Variants in MIA2 observed in about 807,000 individuals in gnomAD.
The protein encoded by MIA2 is MIA SH3 domain ER export factor 2.
In MIA2, 127 loss-of-function variants were observed where a neutral mutation model predicts 167.8. The observed-to-expected ratio is 0.76, with a 90% CI of 0.66 to 0.88. The LOEUF (loss-of-function observed/expected upper bound fraction) is 0.88, where lower values mean the gene tolerates loss of function less well. Among genes scored for constraint, MIA2 ranks in the 40% least tolerant of loss-of-function variants. The pLI is 0.00. For missense variants in MIA2, 1,690 were observed against 1,624.7 expected (o/e 1.04, Z -0.69); for synonymous variants, 552 against 541.9 (o/e 1.02, Z -0.26).
chr14:39,251,910 T>C (rs1348715678), intron 4 of MIA2, among the ~76,000 whole-genome samples: 1 of 152,174 alleles, frequency 6.6e-6, no homozygotes, highest in Non-Finnish European at 1.5e-5. Context: ...ACACCTTCTG[T>C]TTAACAAATG....
At chr14:39,285,347 A>ACCTC (rs2059476619) in intron 9 of MIA2, among the ~76,000 whole-genome samples, 2 of 142,514 alleles carry the variant, frequency 1.4e-5, no homozygotes, top group Non-Finnish European at 3.1e-5. Flanking sequence ...GCGCCCCCCC[A>ACCTC]CCTCCCGGAC....
At chr14:39,294,093 G>T in intron 12 of MIA2, 22 bp downstream of exon 12, 1 of 1,513,276 alleles carries the variant, frequency 6.6e-7, no homozygotes, top group Non-Finnish European at 9.0e-7. Flanking sequence ...TAGTCTAGTA[G>T]GTCTGTTGCT....
chr14:39,234,750 CTG>C (rs764630176), intron 1 of MIA2, among the ~76,000 whole-genome samples: 13 of 151,908 alleles, frequency 8.6e-5, no homozygotes, highest in African/African-American at 3.1e-4. Flanking sequence ...TTAATCATTT[CTG>C]TGTTATTTAT....
At chr14:39,273,658 A>G (rs184019937) in intron 6 of MIA2, among the ~76,000 whole-genome samples, 1 of 152,238 alleles carries the variant, frequency 6.6e-6, no homozygotes, top group African/African-American at 2.4e-5. Context: ...TGTTAAACCA[A>G]CCTTGCATTT....
At chr14:39,347,818 C>CTT (rs59832680) in intron 27 of MIA2, 47 bp downstream of exon 27, 25,216 of 694,328 alleles carry the variant, frequency 0.036, 68 homozygotes, top group East Asian at 0.057. Context: ...CAGAAGCCTT[C>CTT]TTTTTTTTTT....
rs141638574 is a variant in MIA2 at position 39,357,071 on chromosome 14, C to T, written c.2248+8094C>T. 3.1e-4 allele frequency among the ~76,000 whole-genome samples: 47 copies of T among 152,280 alleles called. 1 individual carries two copies. In the East Asian group the frequency reaches 8.1e-3, roughly 26 times the overall value. On this transcript the variant is annotated intron_variant, in intron 23 of 23. Coordinates refer to the MIA2 transcript ENST00000341502. ...GTTCTGTAGATATCTATTAGGTCCA[C>T]TTGGTGCAGAGCTGAGTTCAGTTCC...
chr14:39,347,215 T>C (rs781181869), intron 26 of MIA2, among the ~76,000 whole-genome samples: 12 of 152,128 alleles, frequency 7.9e-5, no homozygotes, highest in Non-Finnish European at 1.5e-4. Flanking sequence ...TGAGAATAAA[T>C]GAGAAAGCTA....
chr14:39,327,407 C>G (rs1242198383), intron 25 of MIA2, among the ~76,000 whole-genome samples: 1 of 152,134 alleles, frequency 6.6e-6, no homozygotes, highest in African/African-American at 2.4e-5. Context: ...TACATTTATA[C>G]ACATAGCTGT....
intron 25 of MIA2, among the ~76,000 whole-genome samples, chr14:39,338,018 C>T (rs992843876): frequency 9.2e-5 from 14 of 152,226 alleles, no homozygotes; most frequent in Admixed American, 2.0e-4. Context: ...CCACTGTGCC[C>T]GGCCATATAT....
At chr14:39,242,713 A>G (rs1278997372) in intron 3 of MIA2, among the ~76,000 whole-genome samples, 1 of 152,224 alleles carries the variant, frequency 6.6e-6, no homozygotes, top group Non-Finnish European at 1.5e-5. Flanking sequence ...TAGCACACAG[A>G]TGCCTCAAAT....
rs1449860658 is a variant in MIA2 at position 39,308,431 on chromosome 14, CTT to C, written c.2879-17_2879-16del. 1 of 1,416,160 alleles carries C rather than the reference CTT, an allele frequency of 7.1e-7. No homozygotes were observed. The highest frequency in any genetic ancestry group is 1.5e-5 in the African/African-American group (1 of 67,322). 87.7% of individuals were successfully genotyped at this position (1,416,160 alleles called of 1,614,324 possible). On this transcript the variant is annotated splice_polypyrimidine_tract_variant and intron_variant, in intron 17 of 28. Transcript: ENST00000640607. Reference sequence around the variant, plus strand: ...CAAAATGTTTCTCCTTTAATTATGACTTAAAATTTTTATATAGAGCATATTAA... The same window carrying C: ...CAAAATGTTTCTCCTTTAATTATGACAAAATTTTTATATAGAGCATATTAA...
chr14:39,278,381 T>C (rs1285384933), intron 7 of MIA2, among the ~76,000 whole-genome samples: 1 of 152,222 alleles, frequency 6.6e-6, no homozygotes, highest in Non-Finnish European at 1.5e-5. Context: ...TGGTTTTCTA[T>C]ACCTTTTGAG....
In MIA2 at chr14:39,288,458, TATA is replaced by T. The variant is rs1566747682; in HGVS notation, c.2131-2560_2131-2558del. The stretch of plus-strand genomic sequence containing the variant: ...ATATATATATATATATATATATATA[TATA>T]TATATATATATATATTTTTTTTTTT... On this transcript the variant is annotated intron_variant, in intron 9 of 28. Transcript: ENST00000640607. 2.4e-3 allele frequency among the ~76,000 whole-genome samples: 38 copies of T among 16,012 alleles called. 3 individuals carry two copies. The highest frequency in any genetic ancestry group is 4.3e-3 in the South Asian group (2 of 460). 10.5% of individuals were successfully genotyped at this position (16,012 alleles called of 152,430 possible). A position where few individuals can be genotyped will look rare whatever the true frequency, so the allele number is the denominator to read the frequency against.
At chr14:39,386,063 C>A in intron 23 of MIA2, 1 of 1,246,838 alleles carries the variant, frequency 8.0e-7, no homozygotes, top group South Asian at 1.3e-5. Flanking sequence ...GCAAAAAGGC[C>A]TACTGTCTTT....
chr14:39,251,450 A>G (rs2054569315), intron 4 of MIA2, among the ~76,000 whole-genome samples: 1 of 152,054 alleles, frequency 6.6e-6, no homozygotes. Context: ...AATATCTAAA[A>G]ATATAATTAA....
At chr14:39,281,185 A>C (rs1174871571) in intron 9 of MIA2, among the ~76,000 whole-genome samples, 1 of 152,072 alleles carries the variant, frequency 6.6e-6, no homozygotes, top group African/African-American at 2.4e-5. Context: ...TTGGCTTCCC[A>C]AAGTGCTAGG....
Position 39,319,252 on chromosome 14 carries a change from C to T in MIA2, c.3328C>T (p.Pro1110Ser), listed in dbSNP as rs982933427. ...ELKFELLEKD[P>S]YALDVPNTAF... is the part of the protein sequence containing the mutation. ...TAAATTTGAACTTTTAGAAAAAGAT[C>T]CTTATGCACTCGATGTTCCAAATAC... The change falls in exon 23 of 29, where the codon CCT becomes TCT. Residue 1110 changes from proline (P) to serine (S), a missense_variant. Pro to Ser is a moderately conservative substitution (Grantham distance 74). Coordinates refer to ENST00000640607, the MANE Select transcript of MIA2 (RefSeq NM_001329214.4). 6.4e-7 allele frequency: 1 copy of T among 1,566,238 alleles called. No individual in the cohort carries two copies.
At position 39,302,142 on chromosome 14, in the gene MIA2, G is replaced by T. The variant is rs778696382; in HGVS notation, c.2633G>T (p.Arg878Leu). The T allele has an allele frequency of 4.3e-6, 7 of 1,613,078 alleles. No homozygotes were observed. The South Asian group carries it at 7.7e-5, about 18-fold the overall frequency. The change falls in exon 15 of 29, where the codon CGC becomes CTC. Residue 878 changes from arginine to leucine, a missense_variant. Transcript: ENST00000640607. ...KESHIKTLTE[R>L]LLKMKDWAAM... ...TTCAATGTCAAGACTCTGACTGAACGCTTGTTAAAGATGAAAGATTGGGCT... is the reference window on the plus strand; with the variant it reads ...TTCAATGTCAAGACTCTGACTGAACTCTTGTTAAAGATGAAAGATTGGGCT...
At chr14:39,250,709 CATATATAT>C (rs72114250) in intron 4 of MIA2, among the ~76,000 whole-genome samples, 279 of 143,594 alleles carry the variant, frequency 1.9e-3, no homozygotes, top group African/African-American at 4.8e-3. Flanking sequence ...AAAAAATATG[CATATATAT>C]ATATATATAT....
Sources: allele counts gnomAD v4.1 joint callset (sites outside exome capture counted in the v4.1 genomes callset), GRCh38; gene constraint gnomAD v4.1.1; transcripts MANE v1.5; gene names NCBI Gene and HGNC (gene_info 2026-07-23, HGNC 2026-07-21).